Variants in WDFY2 observed in about 807,000 individuals in gnomAD.
WDFY2 encodes the protein WD repeat and FYVE domain containing 2.
In WDFY2, 36 loss-of-function variants were observed where a neutral mutation model predicts 56.4. The observed-to-expected ratio is 0.64, with a 90% CI of 0.49 to 0.84. The LOEUF is 0.84. WDFY2 is among the 40% of genes least tolerant of loss of function. The pLI is 0.00. For synonymous variants in WDFY2, 176 were observed against 183.7 expected (o/e 0.96, Z 0.34); for missense variants, 444 against 512.2 (o/e 0.87, Z 1.29).
At chr13:51,713,449 C>T (rs1472354326) in intron 4 of WDFY2, among the ~76,000 whole-genome samples, 2 of 152,108 alleles carry the variant, frequency 1.3e-5, no homozygotes, top group African/African-American at 4.8e-5. Context: ...AAATGCCCAT[C>T]AACACATGAA....
chr13:51,696,978 A>G (rs553027825), intron 3 of WDFY2, among the ~76,000 whole-genome samples: 1 of 152,322 alleles, frequency 6.6e-6, no homozygotes, highest in South Asian at 2.1e-4. Context: ...AATAGATAAG[A>G]AAAACAATAA....
chr13:51,606,955 C>A (rs749092654), intron 1 of WDFY2, among the ~76,000 whole-genome samples: 1 of 152,152 alleles, frequency 6.6e-6, no homozygotes. Flanking sequence ...CCCTTCAGTA[C>A]CAGCCGTCAC....
chr13:51,590,472 T>A (rs1954021646), intron 1 of WDFY2: 2 of 152,208 alleles, frequency 1.3e-5, no homozygotes, highest in South Asian at 4.1e-4. Flanking sequence ...ATCATCTTGA[T>A]GTCATTAGAA....
At chr13:51,636,781 G>A (rs915107935) in intron 1 of WDFY2, among the ~76,000 whole-genome samples, 5 of 152,130 alleles carry the variant, frequency 3.3e-5, no homozygotes, top group Admixed American at 6.6e-5. Context: ...GTCCAGAAAG[G>A]GACCCACGTT....
chr13:51,682,718 C>T (rs759955031), intron 3 of WDFY2, among the ~76,000 whole-genome samples: 9 of 152,110 alleles, frequency 5.9e-5, no homozygotes, highest in Admixed American at 3.3e-4. Context: ...GCTCTTAGAA[C>T]AGTCCCTGTA....
At chr13:51,704,922 T>C (rs1952053469) in intron 4 of WDFY2, among the ~76,000 whole-genome samples, 1 of 152,314 alleles carries the variant, frequency 6.6e-6, no homozygotes, top group Middle Eastern at 3.4e-3. Context: ...TAATGATCAT[T>C]GCCTCCTGGA....
In WDFY2 at chr13:51,727,663, A is replaced by C. The variant is rs769244788; in HGVS notation, c.486-15A>C. 2 of 1,609,296 alleles carry C rather than the reference A, an allele frequency of 1.2e-6. No homozygotes were observed. Among genetic ancestry groups the C allele is most frequent in the East Asian group, 4.5e-5 (2 of 44,840 alleles). On this transcript the variant is annotated splice_polypyrimidine_tract_variant and intron_variant, in intron 5 of 11. Transcript: ENST00000298125. ...ATTTAATTTTGAGAAACAATCCTTA[A>C]TGCTTTCATGACAGATTTGATGTTG... is the stretch of plus-strand genomic sequence containing the variant.
chr13:51,697,404 A>G (rs911588989), intron 3 of WDFY2, among the ~76,000 whole-genome samples: 4 of 152,160 alleles, frequency 2.6e-5, no homozygotes, highest in Non-Finnish European at 4.4e-5. Flanking sequence ...AGGCTGAGGC[A>G]GGCAGATTGC....
At chr13:51,714,504 G>C (rs928337196) in intron 4 of WDFY2, among the ~76,000 whole-genome samples, 1 of 152,018 alleles carries the variant, frequency 6.6e-6, no homozygotes, top group Admixed American at 6.6e-5. Flanking sequence ...TGTTGGCCAG[G>C]CTAGTCTTGA....
chr13:51,650,418 C>T (rs1296500108), intron 1 of WDFY2, among the ~76,000 whole-genome samples: 1 of 152,286 alleles, frequency 6.6e-6, no homozygotes, highest in African/African-American at 2.4e-5. Flanking sequence ...CCTTCTCCTG[C>T]CCGATTGCCC....
Position 51,708,382 on chromosome 13 carries a change from G to T in WDFY2, c.334+4732G>T, listed in dbSNP as rs115222656. Among the ~76,000 whole-genome samples, 1,379 of 151,932 alleles carry T rather than the reference G, an allele frequency of 9.1e-3. 18 individuals are homozygous for T. The highest frequency in any genetic ancestry group is 0.031 in the African/African-American group (1,304 of 41,406). Reference sequence around the variant, plus strand: ...TAGTCTCAGCTACTAGGGAGGCTAAGGTGGGAGGGTTGCTTCAATCCAGGG... The same window carrying T: ...TAGTCTCAGCTACTAGGGAGGCTAATGTGGGAGGGTTGCTTCAATCCAGGG... On this transcript the variant is annotated intron_variant, in intron 4 of 11. Transcript: ENST00000298125.
At chr13:51,591,821 T>C (rs1380251148) in intron 1 of WDFY2, 1 of 152,244 alleles carries the variant, frequency 6.6e-6, no homozygotes, top group Non-Finnish European at 1.5e-5. Flanking sequence ...GTAATTCAAC[T>C]TGGGGACCTA....
intron 1 of WDFY2, among the ~76,000 whole-genome samples, chr13:51,649,662 A>G (rs1955334922): frequency 1.4e-5 from 2 of 139,134 alleles, no homozygotes; most frequent in Non-Finnish European, 3.0e-5. Flanking sequence ...ATTCCCACCT[A>G]TGAGTGAGAA....
intron 1 of WDFY2, among the ~76,000 whole-genome samples, chr13:51,628,663 G>C (rs996606269): frequency 9.2e-5 from 14 of 152,198 alleles, no homozygotes; most frequent in Non-Finnish European, 1.6e-4. Context: ...AGATGGCCAC[G>C]GCTGCCATCG....
chr13:51,746,751 A>G (rs1448165185), intron 7 of WDFY2, among the ~76,000 whole-genome samples: 4 of 152,276 alleles, frequency 2.6e-5, no homozygotes, highest in Non-Finnish European at 5.9e-5. Context: ...TAGCTTTAAA[A>G]TAGAGAAAAG....
chr13:51,636,003 T>G (rs966452012), intron 1 of WDFY2, among the ~76,000 whole-genome samples: 1 of 152,210 alleles, frequency 6.6e-6, no homozygotes, highest in African/African-American at 2.4e-5. Flanking sequence ...TAACCTGGCT[T>G]GACTCTCTTA....
chr13:51,631,610 A>G (rs1195117546), intron 1 of WDFY2, among the ~76,000 whole-genome samples: 1 of 152,010 alleles, frequency 6.6e-6, no homozygotes, highest in African/African-American at 2.4e-5. Context: ...AATGAGAAAC[A>G]TTTGTTCATT....
At chr13:51,602,983 G>C (rs1004600455) in intron 1 of WDFY2, among the ~76,000 whole-genome samples, 2 of 152,130 alleles carry the variant, frequency 1.3e-5, no homozygotes, top group African/African-American at 4.8e-5. Context: ...CTTGGAACAT[G>C]TTTCCAGATT....
intron 1 of WDFY2, among the ~76,000 whole-genome samples, chr13:51,605,910 G>A (rs1409439318): frequency 6.6e-6 from 1 of 152,114 alleles, no homozygotes; most frequent in Non-Finnish European, 1.5e-5. Flanking sequence ...AGGACAATTC[G>A]TCTTTCATTG....
Sources: gnomAD v4.1 joint callset for allele counts (sites outside exome capture counted in the v4.1 genomes callset) on GRCh38, gnomAD v4.1.1 for gene constraint, MANE v1.5 for transcripts, NCBI Gene and HGNC (gene_info 2026-07-23, HGNC 2026-07-21) for gene names.